FBXW2: variants seen among roughly 807,000 people sequenced by gnomAD.
The protein encoded by FBXW2 is F-box and WD repeat domain containing 2.
FBXW2 carries 12 observed loss-of-function variants against 46.0 expected under a neutral mutation model. That is an observed-to-expected ratio of 0.26 (90% CI 0.17 to 0.42). The LOEUF is 0.42. Ranked by LOEUF, FBXW2 falls within the 10% of genes least tolerant of loss-of-function variation. The pLI is 1.00. For synonymous variants in FBXW2, 203 were observed against 209.6 expected (o/e 0.97, Z 0.27); for missense variants, 360 against 537.0 (o/e 0.67, Z 3.26).
chr9:120,764,883 C>A, intron 7 of FBXW2, 36 bp from the exon 8 acceptor site: 1 of 1,479,238 alleles, frequency 6.8e-7, no homozygotes, highest in Non-Finnish European at 9.1e-7. Context: ...TGAAAGAAGG[C>A]AACCTTGCTT....
chr9:120,764,441 C>G lies in FBXW2; in HGVS notation c.*118G>C. On this transcript the variant is annotated 3_prime_UTR_variant, in exon 8 of 8. Coordinates refer to ENST00000608872, the MANE Select transcript of FBXW2 (RefSeq NM_012164.4). ...CAAAACATAGATAAATGATTGTGCA[C>G]TGCGTGATGATACCATTAGGTGAGA... 1.7e-6 allele frequency: 2 copies of G among 1,170,432 alleles called. No individual in the cohort carries two copies. The highest frequency in any genetic ancestry group is 2.4e-5 in the East Asian group (1 of 42,428). 72.5% of individuals were successfully genotyped at this position (1,170,432 alleles called of 1,614,324 possible). A position where few individuals can be genotyped will look rare whatever the true frequency, so the allele number is the denominator to read the frequency against.
chr9:120,776,055 AGC>A, intron 5 of FBXW2, 36 bp downstream of exon 5: 1 of 1,609,534 alleles, frequency 6.2e-7, no homozygotes, highest in South Asian at 1.1e-5. Flanking sequence ...TCCCTCAAAA[AGC>A]CTGATAAGCA....
intron 7 of FBXW2, 143 bp from the exon 8 acceptor site, chr9:120,764,990 T>G: frequency 1.4e-6 from 1 of 693,500 alleles, no homozygotes; most frequent in South Asian, 3.5e-5. Flanking sequence ...AAGTAAAATA[T>G]AAGGAGAAAA....
At chr9:120,786,534 T>C (rs912615451) in intron 3 of FBXW2, among the ~76,000 whole-genome samples, 6 of 152,234 alleles carry the variant, frequency 3.9e-5, no homozygotes, top group East Asian at 1.9e-4. Context: ...GCAGTTTTTT[T>C]AGCAGTCTGA....
In FBXW2 at chr9:120,761,382, G is replaced by C. The variant is rs1419132129; in HGVS notation, c.*3177C>G. The C allele has an allele frequency of 6.6e-6, 1 of 152,170 alleles. No individual in the cohort carries two copies. The highest frequency in any genetic ancestry group is 1.5e-5 in the Non-Finnish European group (1 of 68,036). 9.4% of individuals were successfully genotyped at this position (152,170 alleles called of 1,614,324 possible). On this transcript the variant is annotated 3_prime_UTR_variant, in exon 8 of 8. Transcript: ENST00000608872. ...AATCCAATCCTTGTAAGAAAGGATA[G>C]GGCTTATCTTCTCATGACTTAGAAT... is the stretch of plus-strand genomic sequence containing the variant.
At chr9:120,781,675 CAT>C (rs3047128) in intron 3 of FBXW2, among the ~76,000 whole-genome samples, 3 of 146,226 alleles carry the variant, frequency 2.1e-5, no homozygotes, top group African/African-American at 7.5e-5. Context: ...CACACACACA[CAT>C]ACACACACAC....
At chr9:120,780,875 G>A (rs1187436434) in intron 3 of FBXW2, among the ~76,000 whole-genome samples, 3 of 152,058 alleles carry the variant, frequency 2.0e-5, no homozygotes, top group African/African-American at 7.2e-5. Flanking sequence ...ACAAGGAGAG[G>A]ACAAGAAGAG....
At chr9:120,765,281 G>C (rs1042489683) in intron 7 of FBXW2, among the ~76,000 whole-genome samples, 1 of 152,056 alleles carries the variant, frequency 6.6e-6, no homozygotes, top group East Asian at 1.9e-4. Context: ...TTTTAGTAGA[G>C]ACGAGGTTTC....
At chr9:120,771,767 T>C (rs1428189541) in intron 6 of FBXW2, among the ~76,000 whole-genome samples, 2 of 152,036 alleles carry the variant, frequency 1.3e-5, no homozygotes, top group African/African-American at 2.4e-5. Flanking sequence ...GTATAAAAGA[T>C]CCAATAATGG....
intron 2 of FBXW2, among the ~76,000 whole-genome samples, chr9:120,790,376 C>T (rs947144134): frequency 6.6e-6 from 1 of 151,918 alleles, no homozygotes; most frequent in African/African-American, 2.4e-5. Context: ...CCCAGCTAGT[C>T]GGGAGGCTGA....
intron 7 of FBXW2, among the ~76,000 whole-genome samples, chr9:120,767,039 A>G (rs1564449772): frequency 6.6e-6 from 1 of 152,236 alleles, no homozygotes; most frequent in Non-Finnish European, 1.5e-5. Flanking sequence ...AGGAGTATCA[A>G]GGAGTGAGCA....
At chr9:120,789,347 C>T (rs2044786582) in intron 2 of FBXW2, among the ~76,000 whole-genome samples, 1 of 152,152 alleles carries the variant, frequency 6.6e-6, no homozygotes, top group South Asian at 2.1e-4. Context: ...TGACAAATTG[C>T]TCCTGAGCTA....
chr9:120,776,449 T>G, intron 4 of FBXW2: 1 of 502,738 alleles, frequency 2.0e-6, no homozygotes, highest in Non-Finnish European at 3.4e-6. Flanking sequence ...ATACAATCTC[T>G]TTTATTTGTG....
At chr9:120,768,497 C>T (rs2044314521) in intron 7 of FBXW2, among the ~76,000 whole-genome samples, 1 of 152,064 alleles carries the variant, frequency 6.6e-6, no homozygotes, top group East Asian at 1.9e-4. Context: ...GTGAAATAAA[C>T]AAAGGCAAGT....
chr9:120,768,843 G>GA (rs988478571), intron 7 of FBXW2, among the ~76,000 whole-genome samples: 15 of 148,590 alleles, frequency 1.0e-4, no homozygotes, highest in Admixed American at 8.0e-4. Flanking sequence ...AAATAAAAAC[G>GA]AAAAAAAAAG....
In FBXW2 at chr9:120,776,713, G is replaced by A. The variant is rs188651905; in HGVS notation, c.686-487C>T. ...ACAAGGATCTCAAAGGTTAGATTAA[G>A]CCATTAACTCAAAAGTGTCTGAATT... On this transcript the variant is annotated intron_variant, in intron 4 of 7. Transcript: ENST00000608872. 406 of 154,342 alleles carry A rather than the reference G, an allele frequency of 2.6e-3. 2 individuals are homozygous for A. The highest frequency in any genetic ancestry group is 4.4e-3 in the Non-Finnish European group (309 of 69,536). The allele number at this position is 154,342 out of a possible 1,614,324, so 9.6% of individuals were successfully genotyped here. A position where few individuals can be genotyped will look rare whatever the true frequency, so the allele number is the denominator to read the frequency against.
At position 120,758,405 on chromosome 9, in the gene FBXW2, AGATGTGCCCT is replaced by A. The variant is rs1016826379; in HGVS notation, c.*6144_*6153del. The A allele has an allele frequency of 2.0e-5, 3 of 152,258 alleles. No homozygotes were observed. Among genetic ancestry groups the A allele is most frequent in the African/African-American group, 7.2e-5 (3 of 41,464 alleles). The allele number at this position is 152,258 out of a possible 1,614,324, so 9.4% of individuals were successfully genotyped here. A position where few individuals can be genotyped will look rare whatever the true frequency, so the allele number is the denominator to read the frequency against. The stretch of plus-strand genomic sequence containing the variant: ...AGGGCTCCATGATGTTAAGGAATCC[AGATGTGCCCT>A]GATGGTAACGGAGAGTTACCAAGAT... On this transcript the variant is annotated 3_prime_UTR_variant, in exon 8 of 8. Transcript: ENST00000608872.
chr9:120,793,017 T>C (rs1197250082), intron 2 of FBXW2, 132 bp downstream of exon 2: 1 of 1,465,448 alleles, frequency 6.8e-7, no homozygotes, highest in Non-Finnish European at 9.2e-7. Context: ...ATTTCGCAGC[T>C]AAGGAAATGG....
At position 120,762,848 on chromosome 9, in the gene FBXW2, G is replaced by C. The variant is rs1311658280; in HGVS notation, c.*1711C>G. 1.3e-5 allele frequency: 2 copies of C among 152,144 alleles called. No homozygotes were observed. Among genetic ancestry groups the C allele is most frequent in the Admixed American group, 1.3e-4 (2 of 15,276 alleles). The allele number at this position is 152,144 out of a possible 1,614,324, so 9.4% of individuals were successfully genotyped here. On this transcript the variant is annotated 3_prime_UTR_variant, in exon 8 of 8. Coordinates refer to ENST00000608872, the MANE Select transcript of FBXW2 (RefSeq NM_012164.4). ...TCATCTTCAAACTACCTTCCTATTG[G>C]TCTGTGAATGAAATACATCCCTCCC...
Sources: allele counts gnomAD v4.1 joint callset (sites outside exome capture counted in the v4.1 genomes callset), GRCh38; gene constraint gnomAD v4.1.1; transcripts MANE v1.5; gene names NCBI Gene and HGNC (gene_info 2026-07-23, HGNC 2026-07-21).